Variants in ATG7 observed in about 807,000 individuals in gnomAD.
ATG7 encodes autophagy related 7, also known as ubiquitin-like modifier-activating enzyme ATG7.
Under a neutral mutation model 82.4 loss-of-function variants are expected in ATG7, and 70 were observed. That is an observed-to-expected ratio of 0.85 (90% CI 0.70 to 1.04). The LOEUF is 1.04. Ranked by LOEUF, ATG7 falls within the 50% of genes least tolerant of loss-of-function variation. The pLI is 0.00. For synonymous variants in ATG7, 287 were observed against 313.0 expected, an observed-to-expected ratio of 0.92 and a Z score of 0.88; for missense variants, 792 against 864.3, an observed-to-expected ratio of 0.92 and a Z score of 1.05.
intron 20 of ATG7, among the ~76,000 whole-genome samples, chr3:11,552,913 C>T (rs565652000): frequency 6.6e-6 from 1 of 152,162 alleles, no homozygotes; most frequent in Non-Finnish European, 1.5e-5. Context: ...TGGGTAACAC[C>T]TCCCTGAAAG....
intron 20 of ATG7, among the ~76,000 whole-genome samples, chr3:11,437,326 A>G (rs539157981): frequency 1.3e-5 from 2 of 152,278 alleles, no homozygotes; most frequent in African/African-American, 2.4e-5. Context: ...TTCTTATGCT[A>G]TGGATAGCCT....
chr3:11,482,309 C>T (rs1299620297), intron 20 of ATG7, among the ~76,000 whole-genome samples: 1 of 152,222 alleles, frequency 6.6e-6, no homozygotes, highest in Non-Finnish European at 1.5e-5. Context: ...TCAAGAAACA[C>T]CCCATGTCCT....
intron 20 of ATG7, among the ~76,000 whole-genome samples, chr3:11,499,040 G>A (rs1575061606): frequency 5.9e-5 from 9 of 152,180 alleles, no homozygotes; most frequent in Admixed American, 5.9e-4. Flanking sequence ...ACAGTCCATA[G>A]CAGTTCCATT....
chr3:11,354,272 C>G (rs1053525085), intron 14 of ATG7, among the ~76,000 whole-genome samples: 2 of 152,086 alleles, frequency 1.3e-5, no homozygotes. Context: ...CTACAGATAC[C>G]ACACCTGATC....
intron 19 of ATG7, among the ~76,000 whole-genome samples, chr3:11,413,670 T>C (rs1663992173): frequency 6.6e-6 from 1 of 152,232 alleles, no homozygotes; most frequent in African/African-American, 2.4e-5. Context: ...TTGCATTAAT[T>C]TATAAGTGGT....
rs535043552 is a variant in ATG7, at chr3:11,428,268, C to G, written c.2079+1342C>G. ...CCCCAAGTTGTCAATGAATAGATGG[C>G]CAGGCCCAATACTGGACCAGCCAGT... On this transcript the variant is annotated intron_variant, in intron 20 of 20. Transcript: ENST00000693202. Among the ~76,000 whole-genome samples, 125 of 152,302 alleles carry G rather than the reference C, an allele frequency of 8.2e-4. 2 individuals carry two copies. The Middle Eastern group carries it at 0.014, about 17-fold the overall frequency.
In ATG7 at chr3:11,340,762, G is replaced by T. The variant is rs769505875; in HGVS notation, c.980+27G>T. 3.2e-5 allele frequency: 51 copies of T among 1,602,278 alleles called. 1 individual carries two copies. In the East Asian group the frequency reaches 9.9e-4, roughly 31 times the overall value. ...TATATTTGGGAAGCTGTTTTCTCCA[G>T]TCGGGCTTTTTGTAACCAAGACACA... On this transcript the variant is annotated intron_variant, in intron 12 of 20. Transcript: ENST00000693202.
intron 20 of ATG7, among the ~76,000 whole-genome samples, chr3:11,455,571 A>G (rs2085622983): frequency 6.6e-6 from 1 of 152,160 alleles, no homozygotes; most frequent in East Asian, 1.9e-4. Context: ...CCTAAAAGTG[A>G]TGTGAGAACA....
Position 11,554,569 on chromosome 3 carries a change from C to T in ATG7, c.2080-242C>T, listed in dbSNP as rs1419603904. ...GACATGCAGGAGGTGAGCAGAGGCA[C>T]ATTCCCCAGTGCAAATCCCAGCCCT... On this transcript the variant is annotated intron_variant, in intron 20 of 20. Coordinates refer to ENST00000693202, the MANE Select transcript of ATG7 (RefSeq NM_001349232.2). Among the ~76,000 whole-genome samples, 3 of 152,210 alleles carry T rather than the reference C, an allele frequency of 2.0e-5. No homozygotes were observed. In the East Asian group the frequency reaches 5.8e-4, roughly 29 times the overall value.
At chr3:11,331,209 C>A in intron 9 of ATG7, 131 bp from the exon 10 acceptor site, 2 of 746,896 alleles carry the variant, frequency 2.7e-6, no homozygotes, top group South Asian at 1.7e-5. Context: ...CTCCCCTTAG[C>A]CCTTTACCAG....
the ATG7 span, chr3:11,568,918 G>C: frequency 4.7e-6 from 6 of 1,267,338 alleles, no homozygotes; most frequent in Non-Finnish European, 6.0e-6. This position sits in a 1 kb window ranked among gnomAD's most constrained non-coding sequence, Gnocchi z 5.9. Flanking sequence ...CATCCTAGGC[G>C]GGCACTTCCA....
intron 3 of ATG7, among the ~76,000 whole-genome samples, chr3:11,288,416 A>G (rs1201435945): frequency 6.6e-6 from 1 of 152,208 alleles, no homozygotes; most frequent in South Asian, 2.1e-4. Flanking sequence ...TGAGTAAGAC[A>G]TGGTGCTTGT....
At chr3:11,499,797 A>C (rs2091185561) in intron 20 of ATG7, among the ~76,000 whole-genome samples, 2 of 152,054 alleles carry the variant, frequency 1.3e-5, no homozygotes, top group Middle Eastern at 3.4e-3. Context: ...CATGGTGCAG[A>C]TTCACTGCAG....
intron 9 of ATG7, among the ~76,000 whole-genome samples, chr3:11,324,650 T>G (rs1950617639): frequency 6.6e-6 from 1 of 152,184 alleles, no homozygotes; most frequent in Admixed American, 6.5e-5. Flanking sequence ...AAAAAAGATT[T>G]TTTTTTCACT....
intron 19 of ATG7, among the ~76,000 whole-genome samples, chr3:11,398,109 T>A (rs1051751402): frequency 3.3e-5 from 5 of 151,142 alleles, no homozygotes; most frequent in African/African-American, 9.7e-5. Context: ...AAAATTTTAA[T>A]GAATTATTCT....
At chr3:11,492,328 C>T (rs532299332) in intron 20 of ATG7, among the ~76,000 whole-genome samples, 14 of 152,330 alleles carry the variant, frequency 9.2e-5, no homozygotes, top group East Asian at 1.9e-4. Flanking sequence ...GGCTCGCACA[C>T]GGTGCTCTGC....
chr3:11,333,047 C>T lies in ATG7; in HGVS notation c.843C>T (p.His281=), dbSNP rs529236706. The change falls in exon 11 of 21, where the codon CAC becomes CAT. Residue 281 remains histidine, a synonymous_variant. Transcript: ENST00000693202. ...TGCAGGGGGCGAGAGACGTTGCCCACAGCATCATCTTCGAAGTGAAGCTTC... is the reference window on the plus strand; with the variant it reads ...TGCAGGGGGCGAGAGACGTTGCCCATAGCATCATCTTCGAAGTGAAGCTTC... ...RTMQGARDVA[H]SIIFEVKLPE... is the part of the protein sequence containing the mutation. The T allele has an allele frequency of 6.4e-6, 10 of 1,568,988 alleles. No homozygotes were observed. Among genetic ancestry groups the T allele is most frequent in the Admixed American group, 5.5e-5 (3 of 54,088 alleles).
chr3:11,344,020 A>G (rs1954088233), intron 13 of ATG7, among the ~76,000 whole-genome samples: 1 of 152,066 alleles, frequency 6.6e-6, no homozygotes, highest in Admixed American at 6.6e-5. Flanking sequence ...CATGTATCTA[A>G]TTGGGTTTAA....
At chr3:11,484,018 A>G (rs1277509558) in intron 20 of ATG7, among the ~76,000 whole-genome samples, 1 of 152,162 alleles carries the variant, frequency 6.6e-6, no homozygotes. Context: ...TAATTTGACA[A>G]TTACTTATGG....
Sources: gnomAD v4.1 joint callset for allele counts (sites outside exome capture counted in the v4.1 genomes callset) on GRCh38, gnomAD v4.1.1 for gene constraint, Gnocchi (gnomAD v3.1) non-coding constraint, MANE v1.5 for transcripts, NCBI Gene and HGNC (gene_info 2026-07-23, HGNC 2026-07-21) for gene names.